The following ATP8A2 variants were observed in gnomAD, a reference collection of about 807,000 sequenced individuals.
ATP8A2 encodes the protein ATPase phospholipid transporting 8A2, also known as phospholipid-transporting ATPase IB.
ATP8A2 carries 100 observed loss-of-function variants against 165.6 expected under a neutral mutation model. The ratio of observed to expected loss-of-function variants is 0.60; its 90% CI spans 0.51 to 0.71. ATP8A2 has a LOEUF of 0.71. Ranked by LOEUF, ATP8A2 falls within the 30% of genes least tolerant of loss-of-function variation. ATP8A2 has a pLI of 0.00. For synonymous variants in ATP8A2, 543 were observed against 548.8 expected (o/e 0.99, Z 0.15); for missense variants, 1,227 against 1,479.5 (o/e 0.83, Z 2.80).
chr13:25,498,302 C>T (rs2036743328), intron 2 of ATP8A2, among the ~76,000 whole-genome samples: 1 of 152,202 alleles, frequency 6.6e-6, no homozygotes, highest in African/African-American at 2.4e-5. Flanking sequence ...AGTGGATTCT[C>T]ACTAATAGAA....
At chr13:25,419,221 C>G (rs1343828081) in intron 1 of ATP8A2, among the ~76,000 whole-genome samples, 2 of 152,172 alleles carry the variant, frequency 1.3e-5, no homozygotes, top group African/African-American at 2.4e-5. Flanking sequence ...TAGTTCTAGT[C>G]TTGGTCAGTG....
chr13:25,822,624 TGTAA>T (rs553561092), intron 27 of ATP8A2, among the ~76,000 whole-genome samples: 6 of 152,248 alleles, frequency 3.9e-5, no homozygotes, highest in Non-Finnish European at 7.3e-5. Context: ...CTGTCTGATT[TGTAA>T]GAACTTTTTA....
At position 25,493,916 on chromosome 13, in the gene ATP8A2, CA is replaced by C. The variant is rs528721329; in HGVS notation, c.221+24797del. 2.6e-3 allele frequency among the ~76,000 whole-genome samples: 401 copies of C among 152,066 alleles called. 3 individuals carry two copies. Among genetic ancestry groups the C allele is most frequent in the African/African-American group, 9.3e-3 (384 of 41,474 alleles). On this transcript the variant is annotated intron_variant, in intron 2 of 36. Coordinates refer to ENST00000381655, the MANE Select transcript of ATP8A2 (RefSeq NM_016529.6). ...CAGGTGCAATGTTTATTGATTTGGG[CA>C]AGAAGAAGAGAGACTTCTTTATCAA...
At chr13:25,685,325 A>G (rs553092813) in intron 24 of ATP8A2, among the ~76,000 whole-genome samples, 24 of 152,158 alleles carry the variant, frequency 1.6e-4, no homozygotes, top group South Asian at 1.2e-3. Flanking sequence ...TACCTTTTTT[A>G]TGTCATTCTT....
At chr13:25,419,047 C>T (rs2034217740) in intron 1 of ATP8A2, among the ~76,000 whole-genome samples, 1 of 152,188 alleles carries the variant, frequency 6.6e-6, no homozygotes, top group Non-Finnish European at 1.5e-5. Flanking sequence ...AGAACCAGGG[C>T]CATGTGTGTG....
At chr13:25,553,092 G>A (rs921028840) in intron 11 of ATP8A2, among the ~76,000 whole-genome samples, 3 of 151,768 alleles carry the variant, frequency 2.0e-5, no homozygotes, top group Admixed American at 6.6e-5. Flanking sequence ...TAAGCCTCTT[G>A]CTAAGTTAAG....
chr13:25,743,938 C>T (rs1169279640), intron 25 of ATP8A2, among the ~76,000 whole-genome samples: 4 of 152,194 alleles, frequency 2.6e-5, no homozygotes, highest in Non-Finnish European at 5.9e-5. Flanking sequence ...ATAAGAAAAG[C>T]TCCAAAATGT....
intron 1 of ATP8A2, among the ~76,000 whole-genome samples, chr13:25,460,837 C>A (rs888365603): frequency 1.3e-5 from 2 of 152,174 alleles, no homozygotes; most frequent in African/African-American, 4.8e-5. Flanking sequence ...AAGCCTATTT[C>A]AAATGGCTTC....
At chr13:25,549,186 G>A (rs1427198078) in intron 10 of ATP8A2, among the ~76,000 whole-genome samples, 2 of 152,048 alleles carry the variant, frequency 1.3e-5, no homozygotes, top group African/African-American at 2.4e-5. Flanking sequence ...CCGGCCGGGC[G>A]CGGTGGCTCA....
intron 35 of ATP8A2, among the ~76,000 whole-genome samples, chr13:25,983,692 C>G (rs1387588539): frequency 6.6e-6 from 1 of 152,072 alleles, no homozygotes; most frequent in African/African-American, 2.4e-5. Context: ...TATTGTCATC[C>G]TTTATGGAGA....
chr13:25,841,439 A>G lies in ATP8A2; in HGVS notation c.2956+1815A>G, dbSNP rs139809727. On this transcript the variant is annotated intron_variant, in intron 30 of 36. Transcript: ENST00000381655. ...AGGGGTTTTCTTTGAGTTGTGTTGCAAACAATAATCTATTGAGTGAAACTG... is the reference window on the plus strand; with the variant it reads ...AGGGGTTTTCTTTGAGTTGTGTTGCGAACAATAATCTATTGAGTGAAACTG... Among the ~76,000 whole-genome samples the G allele has an allele frequency of 8.4e-4, 128 of 152,290 alleles. 1 individual carries two copies. The East Asian group carries it at 0.023, about 28-fold the overall frequency.
At chr13:25,738,591 GC>G (rs2043838572) in intron 25 of ATP8A2, among the ~76,000 whole-genome samples, 1 of 152,288 alleles carries the variant, frequency 6.6e-6, no homozygotes, top group East Asian at 1.9e-4. Flanking sequence ...GGCCTGGAGG[GC>G]CCCACCAATG....
At chr13:25,451,573 T>C (rs1050142126) in intron 1 of ATP8A2, among the ~76,000 whole-genome samples, 6 of 152,192 alleles carry the variant, frequency 3.9e-5, no homozygotes, top group African/African-American at 1.4e-4. Context: ...ATTTGTGTGG[T>C]AAGATAATGT....
chr13:26,018,802 T>C (rs1957036893), intron 36 of ATP8A2, among the ~76,000 whole-genome samples: 1 of 152,214 alleles, frequency 6.6e-6, no homozygotes, highest in Non-Finnish European at 1.5e-5. Flanking sequence ...CAAAAATCTC[T>C]GTGCCTCAGT....
chr13:25,637,567 C>T (rs1370309693), intron 24 of ATP8A2, among the ~76,000 whole-genome samples: 1 of 152,152 alleles, frequency 6.6e-6, no homozygotes, highest in East Asian at 1.9e-4. Flanking sequence ...GGGTGGGGCG[C>T]CTGCCATTGA....
chr13:25,878,193 A>G (rs1436594335), intron 33 of ATP8A2, among the ~76,000 whole-genome samples: 1 of 152,110 alleles, frequency 6.6e-6, no homozygotes, highest in African/African-American at 2.4e-5. Context: ...CAGAAGAGAA[A>G]CCACAGGAGC....
At chr13:25,929,364 A>G (rs1233920039) in intron 33 of ATP8A2, among the ~76,000 whole-genome samples, 2 of 152,192 alleles carry the variant, frequency 1.3e-5, no homozygotes, top group Non-Finnish European at 2.9e-5. Flanking sequence ...GGTGGCCCAC[A>G]TGAGGGTGGC....
chr13:25,963,294 TGAGGCAGGAGAATCGCTTGAACCTGG>T (rs1955699709), intron 34 of ATP8A2, among the ~76,000 whole-genome samples: 1 of 150,256 alleles, frequency 6.7e-6, no homozygotes, highest in Non-Finnish European at 1.5e-5. Flanking sequence ...CTTGGGAGGC[TGAGGCAGGAGAATCGCTTGAACCTGG>T]GAGGCAGAGG....
intron 15 of ATP8A2, among the ~76,000 whole-genome samples, chr13:25,561,237 C>T (rs2039144578): frequency 6.6e-6 from 1 of 152,112 alleles, no homozygotes; most frequent in South Asian, 2.1e-4. Flanking sequence ...TCAGAAGTGT[C>T]TTTGTATTAT....
Sources: gnomAD v4.1 joint callset for allele counts (sites outside exome capture counted in the v4.1 genomes callset) on GRCh38, gnomAD v4.1.1 for gene constraint, MANE v1.5 for transcripts, NCBI Gene and HGNC (gene_info 2026-07-23, HGNC 2026-07-21) for gene names.